FBXO11: variants seen among roughly 807,000 people sequenced by gnomAD.
FBXO11 encodes the protein F-box only protein 11.
In FBXO11, 13 loss-of-function variants were observed where a neutral mutation model predicts 117.0. That is an observed-to-expected ratio of 0.11 (90% CI 0.07 to 0.18). FBXO11 has a LOEUF of 0.18. Ranked by LOEUF, FBXO11 falls within the 10% of genes least tolerant of loss-of-function variation. The pLI is 1.00. For synonymous variants in FBXO11, 490 were observed against 380.5 expected, an observed-to-expected ratio of 1.29 and a Z score of -3.35; for missense variants, 767 against 1,164.4, an observed-to-expected ratio of 0.66 and a Z score of 4.97.
At chr2:47,900,734 GTA>G (rs577061097) in intron 1 of FBXO11, among the ~76,000 whole-genome samples, 22 of 95,820 alleles carry the variant, frequency 2.3e-4, no homozygotes, top group East Asian at 9.4e-4. Context: ...ACACACACGT[GTA>G]TATATATACA....
intron 13 of FBXO11, among the ~76,000 whole-genome samples, chr2:47,821,136 T>C (rs1267796213): frequency 1.3e-5 from 2 of 152,244 alleles, no homozygotes; most frequent in Admixed American, 6.5e-5. Flanking sequence ...ATCCCTGGTA[T>C]CTGGCATACT....
At chr2:47,890,027 C>T (rs1010993432) in intron 1 of FBXO11, among the ~76,000 whole-genome samples, 1 of 152,106 alleles carries the variant, frequency 6.6e-6, no homozygotes, top group African/African-American at 2.4e-5. Flanking sequence ...GTTCAGAGTC[C>T]CAAATATCAA....
chr2:47,904,885 T>A (rs564044174), intron 1 of FBXO11, among the ~76,000 whole-genome samples: 221 of 151,832 alleles, frequency 1.5e-3, no homozygotes, highest in African/African-American at 5.0e-3. Context: ...CACTGTGGGG[T>A]TGGGAGAGGA....
chr2:47,851,720 C>T (rs959177923), intron 1 of FBXO11, among the ~76,000 whole-genome samples: 2 of 152,132 alleles, frequency 1.3e-5, no homozygotes, highest in Admixed American at 1.3e-4. Flanking sequence ...TAAAAGAAAA[C>T]AATTTAGCCT....
chr2:47,824,821 A>G (rs1488070231), intron 11 of FBXO11, among the ~76,000 whole-genome samples: 2 of 152,212 alleles, frequency 1.3e-5, no homozygotes, highest in African/African-American at 2.4e-5. Flanking sequence ...TGATAATGGA[A>G]GTTACCATAA....
intron 1 of FBXO11, among the ~76,000 whole-genome samples, chr2:47,898,413 T>G (rs1462231866): frequency 6.6e-6 from 1 of 152,114 alleles, no homozygotes; most frequent in South Asian, 2.1e-4. Flanking sequence ...CACAAACCAG[T>G]CAAAATTACC....
chr2:47,808,642 T>C lies in FBXO11; in HGVS notation c.2556-215A>G, dbSNP rs1670392210. The C allele has an allele frequency of 8.3e-6, 4 of 479,488 alleles. No homozygotes were observed. The Admixed American group carries it at 1.1e-4, about 14-fold the overall frequency. 29.7% of individuals were successfully genotyped at this position (479,488 alleles called of 1,614,324 possible). On this transcript the variant is annotated intron_variant, in intron 21 of 22. Transcript: ENST00000403359. ...GGAGGGAAGAGAAATGATTTGTAAATTGTATAAAGGCAGTTCTTTCCACTT... is the reference window on the plus strand; with the variant it reads ...GGAGGGAAGAGAAATGATTTGTAAACTGTATAAAGGCAGTTCTTTCCACTT...
At chr2:47,844,606 A>G (rs556783751) in intron 1 of FBXO11, among the ~76,000 whole-genome samples, 1 of 152,154 alleles carries the variant, frequency 6.6e-6, no homozygotes, top group South Asian at 2.1e-4. Context: ...TTCCTTCCTT[A>G]AAAGTTTAGT....
At position 47,847,572 on chromosome 2, in the gene FBXO11, G is replaced by T. The variant is rs1402111066; in HGVS notation, c.233-7803C>A. On this transcript the variant is annotated intron_variant, in intron 1 of 22. Transcript: ENST00000403359. ...AAAAATACAAAAATTAGCAAGGCAT[G>T]GTGGCATACGCCTGTAGTCCCAGCT... Among the ~76,000 whole-genome samples the T allele has an allele frequency of 2.6e-5, 4 of 152,148 alleles. No homozygotes were observed. The East Asian group carries it at 7.8e-4, about 30-fold the overall frequency.
At chr2:47,827,010 G>C (rs1671805172) in intron 11 of FBXO11, among the ~76,000 whole-genome samples, 2 of 152,230 alleles carry the variant, frequency 1.3e-5, no homozygotes, top group Admixed American at 1.3e-4. Context: ...CAGGCATGCA[G>C]TCATTTACCA....
chr2:47,857,104 A>G (rs1175604935), intron 1 of FBXO11, among the ~76,000 whole-genome samples: 1 of 152,186 alleles, frequency 6.6e-6, no homozygotes, highest in African/African-American at 2.4e-5. Context: ...ACCACTCAGG[A>G]TCTTTACTTT....
intron 16 of FBXO11, among the ~76,000 whole-genome samples, chr2:47,814,897 C>G (rs1289788782): frequency 6.6e-6 from 1 of 152,166 alleles, no homozygotes; most frequent in African/African-American, 2.4e-5. Flanking sequence ...ACTATGTTCA[C>G]AGCATCTTCA....
rs1161910416 is a variant in FBXO11 at position 47,807,752 on chromosome 2, A to G, written c.*366T>C. ...AAGCAATTGGTACCCATGTCCATAAAGGCAGCAACAAAGCTGCTTGTCTAT... is the reference window on the plus strand; with the variant it reads ...AAGCAATTGGTACCCATGTCCATAAGGGCAGCAACAAAGCTGCTTGTCTAT... On this transcript the variant is annotated 3_prime_UTR_variant, in exon 23 of 23. Coordinates refer to ENST00000403359, the MANE Select transcript of FBXO11 (RefSeq NM_001190274.2). 4.1e-6 allele frequency: 1 copy of G among 246,000 alleles called. No homozygotes were observed. 15.2% of individuals were successfully genotyped at this position (246,000 alleles called of 1,614,324 possible). A position where few individuals can be genotyped will look rare whatever the true frequency, so the allele number is the denominator to read the frequency against.
At chr2:47,844,120 TTAACC>T (rs1350067107) in intron 1 of FBXO11, among the ~76,000 whole-genome samples, 1 of 152,218 alleles carries the variant, frequency 6.6e-6, no homozygotes, top group Non-Finnish European at 1.5e-5. Context: ...AATCTGTAAT[TTAACC>T]CATCTACTGC....
At chr2:47,831,343 A>G (rs1209456391) in intron 11 of FBXO11, among the ~76,000 whole-genome samples, 1 of 144,726 alleles carries the variant, frequency 6.9e-6, no homozygotes, top group Non-Finnish European at 1.5e-5. Context: ...TTGAACCAGG[A>G]GGTGGAGGTT....
chr2:47,881,643 T>C (rs1458896951), intron 1 of FBXO11, among the ~76,000 whole-genome samples: 1 of 152,226 alleles, frequency 6.6e-6, no homozygotes, highest in African/African-American at 2.4e-5. Flanking sequence ...ATACCAGTTA[T>C]TACCATAGGG....
At chr2:47,837,297 C>T (rs1429181063) in intron 4 of FBXO11, among the ~76,000 whole-genome samples, 1 of 152,172 alleles carries the variant, frequency 6.6e-6, no homozygotes. Flanking sequence ...GAGGCCCAGG[C>T]AGGAGGATCA....
At chr2:47,808,283 A>ATT in intron 22 of FBXO11, 36 bp from the exon 23 acceptor site, 2 of 1,612,710 alleles carry the variant, frequency 1.2e-6, no homozygotes, top group Non-Finnish European at 1.7e-6. Context: ...TAGAAAAGTG[A>ATT]GGGGGAAAGT....
At chr2:47,882,971 C>G (rs1676547530) in intron 1 of FBXO11, among the ~76,000 whole-genome samples, 1 of 152,134 alleles carries the variant, frequency 6.6e-6, no homozygotes, top group Non-Finnish European at 1.5e-5. Context: ...CTACTTCTTT[C>G]CCAAGTTCCC....
Sources: gnomAD v4.1 joint callset for allele counts (sites outside exome capture counted in the v4.1 genomes callset) on GRCh38, gnomAD v4.1.1 for gene constraint, MANE v1.5 for transcripts, NCBI Gene and HGNC (gene_info 2026-07-23, HGNC 2026-07-21) for gene names.